Variants in MAP7D1 observed in about 807,000 individuals in gnomAD.
MAP7D1 encodes MAP7 domain containing 1, also known as MAP7 domain-containing protein 1.
MAP7D1 carries 30 observed loss-of-function variants against 97.5 expected under a neutral mutation model. That is an observed-to-expected ratio of 0.31 (90% CI 0.23 to 0.42). The LOEUF is 0.42. Among genes scored for constraint, MAP7D1 ranks in the 10% least tolerant of loss-of-function variants. The pLI, the probability that MAP7D1 is intolerant of heterozygous loss-of-function variation, is 1.00. For missense variants in MAP7D1, 1,184 were observed against 1,179.5 expected, an observed-to-expected ratio of 1.00 and a Z score of -0.06; for synonymous variants, 536 against 477.1, an observed-to-expected ratio of 1.12 and a Z score of -1.61.
chr1:36,172,601 C>A lies in MAP7D1; in HGVS notation c.598C>A (p.Gln200Lys). The change falls in exon 4 of 17, where the codon CAG (glutamine) becomes AAG (lysine). Residue 200 changes from glutamine to lysine, a missense_variant. Gln to Lys is a moderately conservative substitution (Grantham distance 53, BLOSUM62 1). Coordinates refer to ENST00000474796, the MANE Select transcript of MAP7D1 (RefSeq NM_001388490.1). Reference protein sequence around the residue: ...EQRRAALEERQRQKLEKNKER... With the variant: ...EQRRAALEERKRQKLEKNKER... ...ACGCCGTGCAGCCCTGGAGGAACGGCAGCGGCAGAAGCTCGAGAAAAACAA... is the reference window on the plus strand; with the variant it reads ...ACGCCGTGCAGCCCTGGAGGAACGGAAGCGGCAGAAGCTCGAGAAAAACAA... 6.4e-7 allele frequency: 1 copy of A among 1,573,218 alleles called. No homozygotes were observed. Among genetic ancestry groups the A allele is most frequent in the Non-Finnish European group, 8.7e-7 (1 of 1,149,192 alleles).
intron 9 of MAP7D1, 107 bp downstream of exon 9, chr1:36,178,308 A>C (rs1209051557): frequency 2.7e-6 from 4 of 1,471,382 alleles, no homozygotes. Context: ...TGGGACATGG[A>C]AAGAGGAGAC....
intron 9 of MAP7D1, 24 bp from the exon 10 acceptor site, chr1:36,178,395 G>A (rs772402003): frequency 1.9e-6 from 3 of 1,601,348 alleles, no homozygotes; most frequent in Non-Finnish European, 2.6e-6. Flanking sequence ...GTGTGCTGAC[G>A]CCTGATCCCG....
chr1:36,179,507 C>A lies in MAP7D1; in HGVS notation c.2185-8C>A. 2 of 1,580,692 alleles carry A rather than the reference C, an allele frequency of 1.3e-6. No homozygotes were observed. The highest frequency in any genetic ancestry group is 2.7e-5 in the African/African-American group (2 of 74,580). Reference sequence around the variant, plus strand: ...CTTGAGCCTGACTGCTCTTCCTCTTCAAAGCAGAAGCAGGACAGCAAGGAG... The same window carrying A: ...CTTGAGCCTGACTGCTCTTCCTCTTAAAAGCAGAAGCAGGACAGCAAGGAG... On this transcript the variant is annotated splice_polypyrimidine_tract_variant and splice_region_variant and intron_variant, in intron 13 of 16. Transcript: ENST00000474796.
rs1644600933 is a variant in MAP7D1 at position 36,175,151 on chromosome 1, TGTGCCCCTCGG to T, written c.850+145_850+155del. On this transcript the variant is annotated intron_variant, in intron 6 of 16. Coordinates refer to ENST00000474796, the MANE Select transcript of MAP7D1 (RefSeq NM_001388490.1). ...CCCCACTCTACCTTACCCAGGGCTC[TGTGCCCCTCGG>T]GGGAGCCGGCATATGGGTCTGGACC... 11 of 642,906 alleles carry T rather than the reference TGTGCCCCTCGG, an allele frequency of 1.7e-5. No homozygotes were observed. In the East Asian group the frequency reaches 3.0e-4, roughly 17 times the overall value. The allele number at this position is 642,906 out of a possible 1,614,324, so 39.8% of individuals were successfully genotyped here.
chr1:36,164,902 C>T (rs780672811), intron 1 of MAP7D1, among the ~76,000 whole-genome samples: 26 of 152,210 alleles, frequency 1.7e-4, no homozygotes, highest in Admixed American at 4.6e-4. Context: ...TTCATTTCTT[C>T]ATTCAACAAA....
rs1644381273 is a variant in MAP7D1, at chr1:36,159,599, C to G, written c.46+3136C>G. On this transcript the variant is annotated intron_variant, in intron 1 of 16. Coordinates refer to ENST00000474796, the MANE Select transcript of MAP7D1 (RefSeq NM_001388490.1). This position sits in a 1 kb window ranked among gnomAD's most constrained non-coding sequence, Gnocchi z 5.4. ...CCAGCACACCCATGCTGATGCCCCA[C>G]CTTATGCCAGCTCGGTGTAGTCTAT... is the stretch of plus-strand genomic sequence containing the variant. Among the ~76,000 whole-genome samples the G allele has an allele frequency of 6.6e-6, 1 of 152,188 alleles. No homozygotes were observed. The highest frequency in any genetic ancestry group is 1.5e-5 in the Non-Finnish European group (1 of 68,040).
intron 4 of MAP7D1, among the ~76,000 whole-genome samples, chr1:36,173,089 G>A (rs1045814554): frequency 7.9e-5 from 12 of 152,192 alleles, no homozygotes; most frequent in Non-Finnish European, 1.6e-4. Flanking sequence ...GGGAGCCCCA[G>A]GTAGGGGGAG....
chr1:36,180,561 G>C lies in MAP7D1; in HGVS notation c.*303G>C. On this transcript the variant is annotated 3_prime_UTR_variant, in exon 17 of 17. Transcript: ENST00000474796. ...AGGGGCCACCTGTAGTATTTGCCTT[G>C]ATTTGGTGGGGTACAGTGGATGTGA... 1 of 476,374 alleles carries C rather than the reference G, an allele frequency of 2.1e-6. No individual in the cohort carries two copies. Among genetic ancestry groups the C allele is most frequent in the Non-Finnish European group, 3.8e-6 (1 of 260,068 alleles). 29.5% of individuals were successfully genotyped at this position (476,374 alleles called of 1,614,324 possible). A position where few individuals can be genotyped will look rare whatever the true frequency, so the allele number is the denominator to read the frequency against.
Position 36,176,560 on chromosome 1 carries a change from C to A in MAP7D1, c.1212C>A (p.Arg404=). The change falls in exon 7 of 17, where the codon CGC becomes CGA. Residue 404 remains arginine (R), a synonymous_variant. Coordinates refer to ENST00000474796, the MANE Select transcript of MAP7D1 (RefSeq NM_001388490.1). The surrounding 1 kb of genome is among the most constrained non-coding windows in gnomAD (Gnocchi z 6.1). ...PNAGGSPAPV[R]RRPEASPVQK... ...CCGGGGGCAGCCCCGCTCCGGTGCG[C>A]CGCCGGCCGGAGGCCTCGCCGGTGA... 1 of 1,474,472 alleles carries A rather than the reference C, an allele frequency of 6.8e-7. No individual in the cohort carries two copies. Among genetic ancestry groups the A allele is most frequent in the Non-Finnish European group, 9.0e-7 (1 of 1,113,494 alleles). 91.3% of individuals were successfully genotyped at this position (1,474,472 alleles called of 1,614,324 possible). A position where few individuals can be genotyped will look rare whatever the true frequency, so the allele number is the denominator to read the frequency against.
At chr1:36,171,648 C>T (rs2124228826) in intron 3 of MAP7D1, 67 bp downstream of exon 3, 2 of 1,554,436 alleles carry the variant, frequency 1.3e-6, no homozygotes. Flanking sequence ...ATAACACCAA[C>T]AGGCTGGGGC....
chr1:36,177,109 C>T (rs1051473323), intron 8 of MAP7D1, among the ~76,000 whole-genome samples: 24 of 152,122 alleles, frequency 1.6e-4, no homozygotes, highest in African/African-American at 4.8e-4. Context: ...CCACCACGCT[C>T]GGCTAATTTT....
At chr1:36,167,118 CTG>C (rs1330903268) in intron 1 of MAP7D1, among the ~76,000 whole-genome samples, 1 of 152,124 alleles carries the variant, frequency 6.6e-6, no homozygotes, top group Non-Finnish European at 1.5e-5. Context: ...GTATTTAAAT[CTG>C]TGAGTCTGGA....
At position 36,163,817 on chromosome 1, in the gene MAP7D1, C is replaced by CTTTTTTTTTT. The variant is rs869169250; in HGVS notation, c.47-7136_47-7127dup. ...TGCCACATAGATATATACTTTTTTT[C>CTTTTTTTTTT]TTTTTTTTTTTTTTTTTTTTTTTTT... On this transcript the variant is annotated intron_variant, in intron 1 of 16. Transcript: ENST00000474796. Among the ~76,000 whole-genome samples the CTTTTTTTTTT allele has an allele frequency of 4.3e-4, 37 of 86,832 alleles. 2 individuals are homozygous for CTTTTTTTTTT. Among genetic ancestry groups the CTTTTTTTTTT allele is most frequent in the African/African-American group, 1.4e-3 (30 of 21,396 alleles). 57.0% of individuals were successfully genotyped at this position (86,832 alleles called of 152,430 possible). A position where few individuals can be genotyped will look rare whatever the true frequency, so the allele number is the denominator to read the frequency against.
intron 16 of MAP7D1, 24 bp from the exon 17 acceptor site, chr1:36,180,224 G>GT (rs781709035): frequency 6.2e-7 from 1 of 1,614,142 alleles, no homozygotes; most frequent in Non-Finnish European, 8.5e-7. Context: ...TGCCCTGACT[G>GT]TTTCCCTTCC....
chr1:36,179,282 G>A lies in MAP7D1; in HGVS notation c.2151G>A (p.Lys717=), dbSNP rs1418465240. Residue 717 remains lysine (K), a synonymous_variant, in exon 13 of 17, where the codon AAG becomes AAA. Coordinates refer to ENST00000474796, the MANE Select transcript of MAP7D1 (RefSeq NM_001388490.1). ...AACAGCGTCTGGAGGAGATCATGAA[G>A]AGGACTCGGAAGTCAGAAGTTTCTG... ...ERRKRLEEIM[K]RTRKSEVSET... is the part of the protein sequence containing the mutation. 5 of 1,613,966 alleles carry A rather than the reference G, an allele frequency of 3.1e-6. No individual in the cohort carries two copies. In the Admixed American group the frequency reaches 6.7e-5, roughly 22 times the overall value.
At chr1:36,160,359 T>C (rs959226184) in intron 1 of MAP7D1, among the ~76,000 whole-genome samples, 3 of 152,146 alleles carry the variant, frequency 2.0e-5, no homozygotes, top group African/African-American at 7.2e-5. Flanking sequence ...TTACTAGCGC[T>C]CCTCAGCAGT....
Position 36,178,702 on chromosome 1 carries a change from A to C in MAP7D1, c.1904A>C (p.Gln635Pro). Residue 635 changes from glutamine to proline, a missense_variant, in exon 11 of 17, where the codon CAG becomes CCG. Physicochemically the swap from Gln to Pro is moderately conservative, Grantham distance 76. Coordinates refer to ENST00000474796, the MANE Select transcript of MAP7D1 (RefSeq NM_001388490.1). ...AERDKRMREEQLAREAEARAE... is the reference protein window; with the variant it reads ...AERDKRMREEPLAREAEARAE... ...TCCCCCAGGCGAATGCGAGAGGAGC[A>C]GCTGGCACGGGAGGCCGAGGCCCGG... The C allele has an allele frequency of 6.5e-7, 1 of 1,533,718 alleles. No individual in the cohort carries two copies. Among genetic ancestry groups the C allele is most frequent in the Non-Finnish European group, 8.8e-7 (1 of 1,140,472 alleles).
chr1:36,161,779 T>A (rs1267428910), intron 1 of MAP7D1, among the ~76,000 whole-genome samples: 1 of 152,026 alleles, frequency 6.6e-6, no homozygotes, highest in Non-Finnish European at 1.5e-5. Context: ...TTAGAGGAGG[T>A]ACCTGGCCCC....
intron 6 of MAP7D1, among the ~76,000 whole-genome samples, chr1:36,175,886 G>A (rs1413914003): frequency 6.6e-6 from 1 of 152,222 alleles, no homozygotes; most frequent in South Asian, 2.1e-4. Flanking sequence ...GAGGGCAATT[G>A]GGTTTTCTTC....
Sources: allele counts gnomAD v4.1 joint callset (sites outside exome capture counted in the v4.1 genomes callset), GRCh38; gene constraint gnomAD v4.1.1; non-coding constraint Gnocchi (gnomAD v3.1); transcripts MANE v1.5; gene names NCBI Gene and HGNC (gene_info 2026-07-23, HGNC 2026-07-21).